ZNF536: variants seen among roughly 807,000 people sequenced by gnomAD.
ZNF536 encodes zinc finger protein 536.
ZNF536 carries 13 observed loss-of-function variants against 84.5 expected under a neutral mutation model. The observed-to-expected ratio is 0.15, with a 90% CI of 0.10 to 0.24. The LOEUF is 0.24. Among genes scored for constraint, ZNF536 ranks in the 10% least tolerant of loss-of-function variants. The pLI, the probability that ZNF536 is intolerant of heterozygous loss-of-function variation, is 1.00. For synonymous variants in ZNF536, 811 were observed against 742.5 expected, an observed-to-expected ratio of 1.09 and a Z score of -1.50; for missense variants, 1,536 against 1,747.5, an observed-to-expected ratio of 0.88 and a Z score of 2.16.
intron 1 of ZNF536, among the ~76,000 whole-genome samples, chr19:30,586,201 C>T (rs897044071): frequency 2.6e-5 from 4 of 152,204 alleles, no homozygotes; most frequent in Admixed American, 6.5e-5. Context: ...GCCCAAGTCT[C>T]GTTAATGTGA....
intron 1 of ZNF536, among the ~76,000 whole-genome samples, chr19:30,276,026 A>T (rs1273661246): frequency 6.6e-6 from 1 of 151,906 alleles, no homozygotes; most frequent in Non-Finnish European, 1.5e-5. Flanking sequence ...CTATGAATTA[A>T]TTGTAGGTTT....
At chr19:30,493,865 G>T (rs1329477673) in intron 2 of ZNF536, among the ~76,000 whole-genome samples, 2 of 152,098 alleles carry the variant, frequency 1.3e-5, no homozygotes, top group African/African-American at 4.8e-5. Context: ...CTCTGTTATG[G>T]GTTGAGCTCA....
chr19:30,456,222 G>T (rs2148365376), intron 2 of ZNF536, among the ~76,000 whole-genome samples: 1 of 151,560 alleles, frequency 6.6e-6, no homozygotes, highest in Admixed American at 6.6e-5. Flanking sequence ...GGAAATGCTA[G>T]AAAGATGGAG....
intron 3 of ZNF536, among the ~76,000 whole-genome samples, chr19:30,366,398 A>ATCTATCTATCTC (rs879736709): frequency 1.4e-5 from 2 of 140,784 alleles, no homozygotes; most frequent in African/African-American, 2.7e-5. Context: ...CTATCTATCT[A>ATCTATCTATCTC]TATCTATCTC....
chr19:30,700,201 C>CTTTCTTTCTTTCT (rs1555843317), intron 1 of ZNF536, among the ~76,000 whole-genome samples: 5 of 82,710 alleles, frequency 6.0e-5, no homozygotes, highest in African/African-American at 2.1e-4. Flanking sequence ...TCTTTCTTTC[C>CTTTCTTTCTTTCT]TTCTTTCTTT....
chr19:30,288,914 T>A (rs1843397280), intron 2 of ZNF536, among the ~76,000 whole-genome samples: 1 of 152,240 alleles, frequency 6.6e-6, no homozygotes, highest in Admixed American at 6.5e-5. Context: ...AGGCTTTTCC[T>A]CTCAGTCTCA....
chr19:30,693,435 G>A (rs1353010453), intron 1 of ZNF536, among the ~76,000 whole-genome samples: 1 of 152,180 alleles, frequency 6.6e-6, no homozygotes, highest in East Asian at 1.9e-4. Context: ...CTTCATTGCA[G>A]CTGGGTGCGG....
intron 1 of ZNF536, among the ~76,000 whole-genome samples, chr19:30,416,688 C>T (rs2050748446): frequency 6.6e-6 from 1 of 152,128 alleles, no homozygotes; most frequent in Non-Finnish European, 1.5e-5. Flanking sequence ...GTGGGTGGCC[C>T]TTTCATCTTT....
intron 4 of ZNF536, chr19:30,555,177 T>C (rs2045922045): frequency 6.6e-6 from 1 of 152,244 alleles, no homozygotes; most frequent in African/African-American, 2.4e-5. Context: ...GATGCAAGCT[T>C]GCTCTGTGAA....
chr19:30,327,348 G>A (rs2047073222), intron 2 of ZNF536, among the ~76,000 whole-genome samples: 1 of 152,152 alleles, frequency 6.6e-6, no homozygotes. Context: ...GCCCCATCCA[G>A]AGAGGTCCAT....
chr19:30,514,616 C>A (rs1310927098), intron 2 of ZNF536, among the ~76,000 whole-genome samples: 2 of 151,910 alleles, frequency 1.3e-5, no homozygotes, highest in East Asian at 3.9e-4. Context: ...GGTGGCTTTT[C>A]TTGGGGCATC....
intron 2 of ZNF536, among the ~76,000 whole-genome samples, chr19:30,321,808 C>T (rs1432609098): frequency 2.1e-5 from 3 of 140,030 alleles, no homozygotes; most frequent in Non-Finnish European, 4.6e-5. Flanking sequence ...GACAGAGTCT[C>T]ATTCTGCTGG....
intron 2 of ZNF536, among the ~76,000 whole-genome samples, chr19:30,514,050 G>A (rs573648918): frequency 6.6e-6 from 1 of 152,300 alleles, no homozygotes; most frequent in East Asian, 1.9e-4. Flanking sequence ...GGCGAGCCAG[G>A]TCCTGTTTCT....
chr19:30,292,991 G>T (rs981772307), intron 2 of ZNF536, among the ~76,000 whole-genome samples: 2 of 152,186 alleles, frequency 1.3e-5, no homozygotes, highest in African/African-American at 4.8e-5. Context: ...AAGTAAGCCA[G>T]GGTCTACAAG....
At chr19:30,622,443 G>A (rs933746531) in intron 1 of ZNF536, among the ~76,000 whole-genome samples, 2 of 152,242 alleles carry the variant, frequency 1.3e-5, no homozygotes, top group African/African-American at 2.4e-5. Context: ...GGCCATGGCA[G>A]GGCCTCATGC....
At position 30,524,448 on chromosome 19, in the gene ZNF536, AT is replaced by A. The variant is rs1377696443; in HGVS notation, c.2171-10397del. Among the ~76,000 whole-genome samples the A allele has an allele frequency of 1.2e-4, 19 of 152,198 alleles. 1 individual carries two copies. Among genetic ancestry groups the A allele is most frequent in the African/African-American group, 4.6e-4 (19 of 41,452 alleles). On this transcript the variant is annotated intron_variant, in intron 2 of 4. Coordinates refer to ENST00000355537, the MANE Select transcript of ZNF536 (RefSeq NM_014717.3). ...ATCAGGGACTTGCCTTCTGCCAACT[AT>A]TAAATGAAAGATAGTGCAAGGTGCT...
chr19:30,671,973 T>C (rs1339254148), intron 1 of ZNF536, among the ~76,000 whole-genome samples: 1 of 152,182 alleles, frequency 6.6e-6, no homozygotes, highest in Non-Finnish European at 1.5e-5. Flanking sequence ...TCAGTAGGAC[T>C]TTACGGAGCG....
At chr19:30,363,671 A>C (rs781067571) in intron 3 of ZNF536, among the ~76,000 whole-genome samples, 1 of 152,142 alleles carries the variant, frequency 6.6e-6, no homozygotes, top group Non-Finnish European at 1.5e-5. Flanking sequence ...TAATAAAAGC[A>C]ATAAGAATAA....
intron 2 of ZNF536, among the ~76,000 whole-genome samples, chr19:30,507,385 G>A (rs1336162513): frequency 6.6e-6 from 1 of 151,672 alleles, no homozygotes; most frequent in African/African-American, 2.4e-5. Flanking sequence ...CAAAAAACTG[G>A]GAAACTTGAG....
Sources: allele counts gnomAD v4.1 joint callset (sites outside exome capture counted in the v4.1 genomes callset), GRCh38; gene constraint gnomAD v4.1.1; transcripts MANE v1.5; gene names NCBI Gene and HGNC (gene_info 2026-07-23, HGNC 2026-07-21).